Variants in PARP8 observed in about 807,000 individuals in gnomAD.
PARP8 encodes poly(ADP-ribose) polymerase family member 8, also known as protein mono-ADP-ribosyltransferase PARP8.
A neutral mutation model predicts 124.1 loss-of-function variants in PARP8; 51 were observed. The observed-to-expected ratio is 0.41, with a 90% CI of 0.33 to 0.52. The LOEUF is 0.52. Among genes scored for constraint, PARP8 ranks in the 20% least tolerant of loss-of-function variants. PARP8 has a pLI of 0.21. For synonymous variants in PARP8, 391 were observed against 361.5 expected (o/e 1.08, Z -0.93); for missense variants, 860 against 1,018.9 (o/e 0.84, Z 2.12).
At chr5:50,724,157 G>A (rs1234076340) in intron 2 of PARP8, among the ~76,000 whole-genome samples, 1 of 151,846 alleles carries the variant, frequency 6.6e-6, no homozygotes, top group Non-Finnish European at 1.5e-5. Flanking sequence ...TATTCTTCAG[G>A]ACCAGCTGTA....
rs556361051 is a variant in PARP8, at chr5:50,842,928, A to G, written c.*860A>G. The G allele has an allele frequency of 6.6e-6, 1 of 151,906 alleles. No individual in the cohort carries two copies. The highest frequency in any genetic ancestry group is 2.4e-5 in the African/African-American group (1 of 41,528). The allele number at this position is 151,906 out of a possible 1,614,324, so 9.4% of individuals were successfully genotyped here. On this transcript the variant is annotated 3_prime_UTR_variant, in exon 26 of 26. Transcript: ENST00000281631. Reference sequence around the variant, plus strand: ...ATACATGGCCTGGTAGACCGAATCTATATTCAAATGATTATGTATTTAAAA... The same window carrying G: ...ATACATGGCCTGGTAGACCGAATCTGTATTCAAATGATTATGTATTTAAAA...
Position 50,845,314 on chromosome 5 carries a change from G to C in PARP8, c.*3246G>C, listed in dbSNP as rs1748533060. On this transcript the variant is annotated 3_prime_UTR_variant, in exon 26 of 26. Coordinates refer to ENST00000281631, the MANE Select transcript of PARP8 (RefSeq NM_024615.4). ...TGACGAAAAACTCATCTTCATTAAA[G>C]AGTCTGGATAACTTCATCAGATGGT... 6.6e-6 allele frequency: 1 copy of C among 151,806 alleles called. No individual in the cohort carries two copies. The highest frequency in any genetic ancestry group is 2.1e-4 in the South Asian group (1 of 4,820). The allele number at this position is 151,806 out of a possible 1,614,324, so 9.4% of individuals were successfully genotyped here.
At chr5:50,704,032 C>G (rs750436828) in intron 2 of PARP8, among the ~76,000 whole-genome samples, 1 of 151,888 alleles carries the variant, frequency 6.6e-6, no homozygotes, top group Non-Finnish European at 1.5e-5. Flanking sequence ...TGTTGCTAAT[C>G]TTTTGACATG....
intron 2 of PARP8, among the ~76,000 whole-genome samples, chr5:50,694,058 C>T (rs547297666): frequency 6.6e-6 from 1 of 152,296 alleles, no homozygotes; most frequent in African/African-American, 2.4e-5. Context: ...TCTACACCCT[C>T]TTTCTGTACC....
rs1250172679 is a variant in PARP8 at position 50,667,245 on chromosome 5, G to A, written c.91+59G>A. The A allele has an allele frequency of 2.3e-5, 36 of 1,541,572 alleles. No homozygotes were observed. In the Admixed American group the frequency reaches 6.0e-4, roughly 26 times the overall value. Reference sequence around the variant, plus strand: ...GCGCCCCCTTCCCAGTTTTCTGACCGCGACGTCTGTGGCTGGGGGTGGGGT... The same window carrying A: ...GCGCCCCCTTCCCAGTTTTCTGACCACGACGTCTGTGGCTGGGGGTGGGGT... On this transcript the variant is annotated intron_variant, in intron 1 of 25. Transcript: ENST00000281631.
At chr5:50,812,616 T>G (rs1372830273) in intron 14 of PARP8, among the ~76,000 whole-genome samples, 1 of 152,194 alleles carries the variant, frequency 6.6e-6, no homozygotes, top group Non-Finnish European at 1.5e-5. Flanking sequence ...CATTTGTCAA[T>G]TTTGGCTTTT....
At chr5:50,708,732 C>A (rs1190573568) in intron 2 of PARP8, among the ~76,000 whole-genome samples, 1 of 150,654 alleles carries the variant, frequency 6.6e-6, no homozygotes, top group Non-Finnish European at 1.5e-5. Flanking sequence ...GTGTTTACTG[C>A]AAAGCCCTTC....
chr5:50,788,385 G>T, intron 9 of PARP8, 138 bp from the exon 10 acceptor site: 1 of 644,900 alleles, frequency 1.6e-6, no homozygotes, highest in Non-Finnish European at 2.7e-6. Flanking sequence ...AAATAGCATT[G>T]TTTAGGACTG....
At chr5:50,833,184 A>G (rs1747178781) in intron 23 of PARP8, among the ~76,000 whole-genome samples, 1 of 152,176 alleles carries the variant, frequency 6.6e-6, no homozygotes, top group Non-Finnish European at 1.5e-5. Flanking sequence ...TTAGATAGAT[A>G]GAATGCTAGA....
intron 2 of PARP8, among the ~76,000 whole-genome samples, chr5:50,693,141 CT>C (rs1752671688): frequency 6.6e-6 from 1 of 152,092 alleles, no homozygotes; most frequent in Non-Finnish European, 1.5e-5. Context: ...ATTTTAAATG[CT>C]TTTTTTCTTG....
intron 7 of PARP8, among the ~76,000 whole-genome samples, chr5:50,764,766 A>G (rs1335790335): frequency 1.3e-5 from 2 of 151,624 alleles, no homozygotes; most frequent in African/African-American, 4.8e-5. Context: ...TGAAGAAGGC[A>G]ATTGGGACTA....
chr5:50,805,945 C>T (rs1743793212), intron 14 of PARP8, among the ~76,000 whole-genome samples: 1 of 152,046 alleles, frequency 6.6e-6, no homozygotes, highest in South Asian at 2.1e-4. Context: ...CTCTGGTCAT[C>T]TCAACCTGCC....
At chr5:50,838,698 A>G (rs1362676592) in intron 25 of PARP8, among the ~76,000 whole-genome samples, 2 of 151,982 alleles carry the variant, frequency 1.3e-5, no homozygotes. Context: ...TCTCCAACAT[A>G]TAGAGTCGCT....
At chr5:50,754,642 G>A (rs1480071965) in intron 3 of PARP8, among the ~76,000 whole-genome samples, 4 of 151,992 alleles carry the variant, frequency 2.6e-5, no homozygotes, top group African/African-American at 7.2e-5. Flanking sequence ...TGCAATAAAC[G>A]TACGTATGCA....
rs749148898 is a variant in PARP8, at chr5:50,763,141, T to A, written c.424-7T>A. ...TGAGACACTTTTAAATTATCCCTTT[T>A]CATCAGGTGAACTATGATGGGGAAC... On this transcript the variant is annotated splice_polypyrimidine_tract_variant and splice_region_variant and intron_variant, in intron 6 of 25. Coordinates refer to ENST00000281631, the MANE Select transcript of PARP8 (RefSeq NM_024615.4). 37 of 1,604,836 alleles carry A rather than the reference T, an allele frequency of 2.3e-5. No individual in the cohort carries two copies. Among genetic ancestry groups the A allele is most frequent in the Non-Finnish European group, 3.2e-5 (37 of 1,171,742 alleles).
At chr5:50,786,936 C>T (rs1240246547) in intron 9 of PARP8, among the ~76,000 whole-genome samples, 8 of 152,226 alleles carry the variant, frequency 5.3e-5, no homozygotes, top group East Asian at 1.9e-4. Context: ...GCCTTCTTAA[C>T]GTTTCCATTT....
chr5:50,717,044 T>A (rs1755388861), intron 2 of PARP8, among the ~76,000 whole-genome samples: 1 of 152,106 alleles, frequency 6.6e-6, no homozygotes, highest in Non-Finnish European at 1.5e-5. Flanking sequence ...TAGAGCATAT[T>A]AAATAATTTG....
chr5:50,805,641 C>T (rs1194855538), intron 14 of PARP8, among the ~76,000 whole-genome samples: 6 of 143,236 alleles, frequency 4.2e-5, no homozygotes, highest in African/African-American at 1.2e-4. Flanking sequence ...AAAGATAAAA[C>T]ACAAAACTTG....
In PARP8 at chr5:50,824,512, A is replaced by G. The variant is rs146661871; in HGVS notation, c.1861-396A>G. ...TAAAAATGGAAAGTTACAGAAGGGG[A>G]TAAGTGGAGAATTACCAAAAATGGT... On this transcript the variant is annotated intron_variant, in intron 17 of 25. Transcript: ENST00000281631. Among the ~76,000 whole-genome samples, 15 of 152,286 alleles carry G rather than the reference A, an allele frequency of 9.8e-5. No individual in the cohort carries two copies. The East Asian group carries it at 2.1e-3, about 22-fold the overall frequency.
Sources: gnomAD v4.1 joint callset for allele counts (sites outside exome capture counted in the v4.1 genomes callset) on GRCh38, gnomAD v4.1.1 for gene constraint, MANE v1.5 for transcripts, NCBI Gene and HGNC (gene_info 2026-07-23, HGNC 2026-07-21) for gene names.